Variants in GREB1L observed in about 807,000 individuals in gnomAD.
GREB1L encodes the protein GREB1 like retinoic acid receptor coactivator, also known as GREB1-like protein.
Under a neutral mutation model 200.8 loss-of-function variants are expected in GREB1L, and 17 were observed. That is an observed-to-expected ratio of 0.08 (90% CI 0.06 to 0.13). GREB1L has a LOEUF of 0.13. GREB1L is among the 10% of genes least tolerant of loss of function. GREB1L has a pLI of 1.00. For synonymous variants in GREB1L, 789 were observed against 893.0 expected (o/e 0.88, Z 2.08); for missense variants, 1,657 against 2,367.7 (o/e 0.70, Z 6.23).
chr18:21,326,830 T>C (rs2039029509), intron 1 of GREB1L, among the ~76,000 whole-genome samples: 1 of 152,220 alleles, frequency 6.6e-6, no homozygotes, highest in African/African-American at 2.4e-5. Context: ...ATAGAAGTAT[T>C]AACCAGCCTG....
intron 5 of GREB1L, among the ~76,000 whole-genome samples, chr18:21,400,223 AAG>A (rs1424888391): frequency 1.3e-5 from 2 of 152,130 alleles, no homozygotes; most frequent in African/African-American, 4.8e-5. Flanking sequence ...TTAAAAAAAA[AAG>A]TATGGCTTTT....
At chr18:21,368,062 C>T (rs900937080) in intron 2 of GREB1L, among the ~76,000 whole-genome samples, 8 of 152,064 alleles carry the variant, frequency 5.3e-5, no homozygotes, top group African/African-American at 1.9e-4. Context: ...GCATATATTA[C>T]AATGTATATA....
At chr18:21,516,831 A>G in intron 30 of GREB1L, 77 bp downstream of exon 30, 1 of 1,289,762 alleles carries the variant, frequency 7.8e-7, no homozygotes, top group Non-Finnish European at 1.1e-6. Flanking sequence ...AGATGTTGGC[A>G]TTAAGCACTT....
chr18:21,500,497 T>C, intron 22 of GREB1L, 43 bp from the exon 23 acceptor site: 1 of 1,385,776 alleles, frequency 7.2e-7, no homozygotes, highest in Non-Finnish European at 1.0e-6. Flanking sequence ...TTCCCCTCTC[T>C]TTCCCGCCTC....
At chr18:21,368,145 CT>C (rs1405691817) in intron 2 of GREB1L, among the ~76,000 whole-genome samples, 1 of 152,156 alleles carries the variant, frequency 6.6e-6, no homozygotes, top group Non-Finnish European at 1.5e-5. Context: ...ATATCTACTA[CT>C]TGTGTGTGAT....
chr18:21,430,722 G>T (rs1348377697), intron 7 of GREB1L, among the ~76,000 whole-genome samples: 1 of 150,708 alleles, frequency 6.6e-6, no homozygotes, highest in Non-Finnish European at 1.5e-5. Context: ...TCAGCCTCGG[G>T]AGTAGATGGG....
chr18:21,468,006 C>A, intron 15 of GREB1L, among the ~76,000 whole-genome samples: 1 of 135,026 alleles, frequency 7.4e-6, no homozygotes. Flanking sequence ...GCCTGGGCAA[C>A]AGAGCGAGAC....
At chr18:21,498,014 G>T (rs1378130290) in intron 21 of GREB1L, among the ~76,000 whole-genome samples, 1 of 151,684 alleles carries the variant, frequency 6.6e-6, no homozygotes, top group Admixed American at 6.6e-5. Flanking sequence ...TAGAGATGAG[G>T]TTTCACCATG....
intron 23 of GREB1L, among the ~76,000 whole-genome samples, chr18:21,503,672 G>T (rs1296464401): frequency 6.6e-6 from 1 of 151,786 alleles, no homozygotes; most frequent in Non-Finnish European, 1.5e-5. Context: ...TGCTTCCCAG[G>T]TTCAGGCGAT....
At chr18:21,420,273 G>A (rs2032041396) in intron 7 of GREB1L, among the ~76,000 whole-genome samples, 1 of 151,946 alleles carries the variant, frequency 6.6e-6, no homozygotes, top group Non-Finnish European at 1.5e-5. Flanking sequence ...TCGGGAGGCT[G>A]AGGCAGGAGA....
intron 1 of GREB1L, among the ~76,000 whole-genome samples, chr18:21,261,300 C>CCTTAAAATCCTTAAA (rs2037886346): frequency 6.6e-6 from 1 of 151,984 alleles, no homozygotes. Flanking sequence ...TTCTTGAGGA[C>CCTTAAAATCCTTAAA]AAGTTTTTAA....
At chr18:21,359,069 G>A (rs184660176) in intron 1 of GREB1L, among the ~76,000 whole-genome samples, 17 of 152,254 alleles carry the variant, frequency 1.1e-4, no homozygotes, top group African/African-American at 3.6e-4. Flanking sequence ...AGGAAATGGC[G>A]GCCCAGGGAA....
chr18:21,268,007 G>C (rs2038000144), intron 1 of GREB1L, among the ~76,000 whole-genome samples: 1 of 152,104 alleles, frequency 6.6e-6, no homozygotes, highest in South Asian at 2.1e-4. Flanking sequence ...GTTGTAAGAG[G>C]ATCACATTGG....
chr18:21,408,959 T>G (rs1265312628), intron 7 of GREB1L, among the ~76,000 whole-genome samples: 1 of 152,134 alleles, frequency 6.6e-6, no homozygotes, highest in Non-Finnish European at 1.5e-5. Context: ...TGGAATACAG[T>G]TTGGCAATTT....
intron 1 of GREB1L, among the ~76,000 whole-genome samples, chr18:21,320,976 G>A (rs1237911774): frequency 2.0e-5 from 3 of 152,070 alleles, no homozygotes; most frequent in Non-Finnish European, 1.5e-5. Flanking sequence ...TAAATAAGAT[G>A]AAAAATATCA....
At chr18:21,257,895 A>G (rs1266577740) in intron 1 of GREB1L, among the ~76,000 whole-genome samples, 1 of 152,236 alleles carries the variant, frequency 6.6e-6, no homozygotes, top group Non-Finnish European at 1.5e-5. Context: ...ACAGCCCTGT[A>G]AAGTAGGCAT....
chr18:21,378,023 G>A (rs1352852562), intron 2 of GREB1L, among the ~76,000 whole-genome samples: 1 of 152,206 alleles, frequency 6.6e-6, no homozygotes, highest in East Asian at 1.9e-4. Flanking sequence ...CACCATGCCT[G>A]TCCAGAAGTT....
At chr18:21,483,561 C>T (rs1041080404) in intron 17 of GREB1L, among the ~76,000 whole-genome samples, 5 of 152,130 alleles carry the variant, frequency 3.3e-5, no homozygotes, top group African/African-American at 1.2e-4. Context: ...AAACCCTATT[C>T]CTAAAAGCAG....
intron 27 of GREB1L, 163 bp downstream of exon 27, chr18:21,508,754 A>G: frequency 1.5e-6 from 1 of 652,388 alleles, no homozygotes; most frequent in Non-Finnish European, 2.6e-6. Flanking sequence ...TCTCCCTTGA[A>G]TTTGAGTTTT....
Sources: allele counts gnomAD v4.1 joint callset (sites outside exome capture counted in the v4.1 genomes callset), GRCh38; gene constraint gnomAD v4.1.1; transcripts MANE v1.5; gene names NCBI Gene and HGNC (gene_info 2026-07-23, HGNC 2026-07-21).